Variants in KLF8 observed in about 807,000 individuals in gnomAD.
KLF8 encodes Krueppel-like factor 8.
KLF8 carries 10 observed loss-of-function variants against 18.2 expected under a neutral mutation model. That is an observed-to-expected ratio of 0.55 (90% confidence interval 0.34 to 0.93). The LOEUF (loss-of-function observed/expected upper bound fraction) is 0.93, where lower values mean the gene tolerates loss of function less well. Among genes scored for constraint, KLF8 ranks in the 40% least tolerant of loss-of-function variants. KLF8 has a pLI of 0.02. For missense variants in KLF8, 264 were observed against 277.9 expected, an observed-to-expected ratio of 0.95 and a Z score of 0.36; for synonymous variants, 109 against 97.3, an observed-to-expected ratio of 1.12 and a Z score of -0.71.
the KLF8 span, among the ~76,000 whole-genome samples, chrX:56,037,776 A>G: frequency 9.0e-6 from 1 of 111,448 alleles, no homozygotes; most frequent in African/African-American, 3.3e-5. Context: ...AGGAGAATGG[A>G]GTATCCATCC....
the KLF8 span, among the ~76,000 whole-genome samples, chrX:56,077,313 T>C: frequency 8.9e-6 from 1 of 112,202 alleles, no homozygotes. Context: ...TGAATTAATT[T>C]TTGTACAAGG....
rs1340767010 is a variant in KLF8, at chrX:56,284,766, CT to C, written c.*273del. Reference sequence around the variant, plus strand: ...CCCATGGCTGCCTTCCCATCCCCCCCTGCTCTGAAATAGGACATTTTTCCTA... The same window carrying C: ...CCCATGGCTGCCTTCCCATCCCCCCCGCTCTGAAATAGGACATTTTTCCTA... On this transcript the variant is annotated 3_prime_UTR_variant, in exon 6 of 6. Coordinates refer to ENST00000468660, the MANE Select transcript of KLF8 (RefSeq NM_007250.5). 6 of 265,185 alleles carry C rather than the reference CT, an allele frequency of 2.3e-5. No individual in the cohort carries two copies. The highest frequency in any genetic ancestry group is 6.5e-5 in the Admixed American group (1 of 15,291). 21.9% of individuals were successfully genotyped at this position (265,185 alleles called of 1,213,427 possible).
the KLF8 span, among the ~76,000 whole-genome samples, chrX:56,117,830 C>G: frequency 4.5e-5 from 5 of 111,641 alleles, no homozygotes; most frequent in Non-Finnish European, 7.5e-5. Flanking sequence ...TGTTTTAGTC[C>G]ATTGAGCTGC....
the KLF8 span, among the ~76,000 whole-genome samples, chrX:56,129,987 C>A: frequency 9.1e-6 from 1 of 110,103 alleles, no homozygotes; most frequent in South Asian, 4.0e-4. Flanking sequence ...GGTACCATAC[C>A]CCCAACCTCC....
the KLF8 span, among the ~76,000 whole-genome samples, chrX:56,153,384 C>T: frequency 1.8e-5 from 2 of 110,524 alleles, no homozygotes; most frequent in Non-Finnish European, 3.8e-5. Context: ...CTTTGCCTTA[C>T]TTTTCAGCAG....
At chrX:55,946,136 T>G in the KLF8 span, among the ~76,000 whole-genome samples, 1 of 111,657 alleles carries the variant, frequency 9.0e-6, no homozygotes, top group African/African-American at 3.3e-5. Flanking sequence ...AAAAAACTAC[T>G]TTAAAATTCA....
At chrX:55,998,306 G>A in the KLF8 span, among the ~76,000 whole-genome samples, 3 of 111,028 alleles carry the variant, frequency 2.7e-5, no homozygotes, top group Non-Finnish European at 5.7e-5. Context: ...ATCCTCCTCA[G>A]CACAGACCCT....
chrX:56,204,287 C>T, the KLF8 span, among the ~76,000 whole-genome samples: 2 of 111,273 alleles, frequency 1.8e-5, no homozygotes, highest in Non-Finnish European at 3.8e-5. Flanking sequence ...TGCAAATTTA[C>T]TGAATTTGTT....
the KLF8 span, among the ~76,000 whole-genome samples, chrX:56,067,294 G>A: frequency 4.0e-4 from 43 of 107,230 alleles, no homozygotes; most frequent in Non-Finnish European, 7.6e-4. Context: ...AAATCCCCTT[G>A]AACTCTTGTA....
chrX:56,034,833 G>A, the KLF8 span, among the ~76,000 whole-genome samples: 2 of 87,756 alleles, frequency 2.3e-5, no homozygotes, highest in Admixed American at 1.6e-4. Flanking sequence ...TCGGCTCACT[G>A]CAAGCTCCGC....
At chrX:56,264,096 G>A (rs2066924491) in intron 2 of KLF8, among the ~76,000 whole-genome samples, 1 of 111,539 alleles carries the variant, frequency 9.0e-6, no homozygotes, top group South Asian at 3.7e-4. Flanking sequence ...TAAAGAGGTG[G>A]TACCACCATC....
At chrX:56,174,161 C>A in the KLF8 span, among the ~76,000 whole-genome samples, 1 of 111,684 alleles carries the variant, frequency 9.0e-6, no homozygotes, top group Non-Finnish European at 1.9e-5. Context: ...AGAGGGCATC[C>A]CTGTCTTGTG....
At chrX:56,177,340 G>T in the KLF8 span, among the ~76,000 whole-genome samples, 1 of 111,236 alleles carries the variant, frequency 9.0e-6, no homozygotes, top group Non-Finnish European at 1.9e-5. Context: ...CTCAGCTGCA[G>T]GTCTGTTGGA....
chrX:56,162,920 G>A, the KLF8 span, among the ~76,000 whole-genome samples: 331 of 111,524 alleles, frequency 3.0e-3, no homozygotes, highest in African/African-American at 0.01. Flanking sequence ...CCACCCCCAC[G>A]ATCTTGTTCT....
Position 56,285,650 on chromosome X carries a change from C to T in KLF8, c.*1156C>T, listed in dbSNP as rs1488703663. 3.6e-5 allele frequency: 4 copies of T among 111,618 alleles called. No homozygotes were observed. The highest frequency in any genetic ancestry group is 7.5e-5 in the Non-Finnish European group (4 of 53,089). 9.2% of individuals were successfully genotyped at this position (111,618 alleles called of 1,213,427 possible). ...ATAGATGCTTTTCATGAAAACTGAC[C>T]TACAAAAAGCAATTTGATGTTCTGC... On this transcript the variant is annotated 3_prime_UTR_variant, in exon 6 of 6. Coordinates refer to ENST00000468660, the MANE Select transcript of KLF8 (RefSeq NM_007250.5).
chrX:55,980,478 T>A, the KLF8 span, among the ~76,000 whole-genome samples: 1 of 111,840 alleles, frequency 8.9e-6, no homozygotes, highest in South Asian at 3.8e-4. Flanking sequence ...GGCATCTGTG[T>A]TCTGACAGGT....
chrX:56,058,185 TATATATAC>T, the KLF8 span, among the ~76,000 whole-genome samples: 2 of 88,789 alleles, frequency 2.3e-5, no homozygotes, highest in African/African-American at 8.9e-5. Flanking sequence ...TACACACATA[TATATATAC>T]ATATATATAT....
At chrX:56,183,422 T>C in the KLF8 span, among the ~76,000 whole-genome samples, 1 of 112,034 alleles carries the variant, frequency 8.9e-6, no homozygotes, top group Non-Finnish European at 1.9e-5. Context: ...ACTTCCCTGG[T>C]GAGGCGGTGC....
chrX:55,987,525 T>C, the KLF8 span, among the ~76,000 whole-genome samples: 32 of 111,878 alleles, frequency 2.9e-4, no homozygotes, highest in Non-Finnish European at 4.5e-4. Context: ...ACAAAGGACA[T>C]GAACTCATCA....
Sources: gnomAD v4.1 joint callset for allele counts (sites outside exome capture counted in the v4.1 genomes callset) on GRCh38, gnomAD v4.1.1 for gene constraint, MANE v1.5 for transcripts, NCBI Gene and HGNC (gene_info 2026-07-23, HGNC 2026-07-21) for gene names.